Variants in ADORA2B observed in about 807,000 individuals in gnomAD.
ADORA2B encodes the protein adenosine A2b receptor.
Under a neutral mutation model 20.8 loss-of-function variants are expected in ADORA2B, and 18 were observed. That is an observed-to-expected ratio of 0.87 (90% CI 0.60 to 1.29). The LOEUF (loss-of-function observed/expected upper bound fraction) is 1.29. Ranked by LOEUF, ADORA2B falls within the 50% of genes most tolerant of loss-of-function variation. The pLI is 0.00. For missense variants in ADORA2B, 441 were observed against 422.7 expected (o/e 1.04, Z -0.38); for synonymous variants, 179 against 178.3 (o/e 1.00, Z -0.03).
the ADORA2B span, among the ~76,000 whole-genome samples, chr17:15,893,231 T>A: frequency 1.3e-5 from 2 of 152,260 alleles, no homozygotes; most frequent in Non-Finnish European, 2.9e-5. Context: ...ACCTTTTTTA[T>A]ATCTGAGACT....
chr17:15,895,047 A>C, the ADORA2B span, among the ~76,000 whole-genome samples: 1 of 152,040 alleles, frequency 6.6e-6, no homozygotes, highest in Non-Finnish European at 1.5e-5. Flanking sequence ...TTTGAGTGTG[A>C]AGGCCGTCTG....
At chr17:15,906,335 A>G in the ADORA2B span, among the ~76,000 whole-genome samples, 2 of 152,214 alleles carry the variant, frequency 1.3e-5, no homozygotes, top group Non-Finnish European at 2.9e-5. Flanking sequence ...GTTGAATTTT[A>G]TGTAATGCTT....
At chr17:15,851,569 G>C in the ADORA2B span, among the ~76,000 whole-genome samples, 1 of 152,144 alleles carries the variant, frequency 6.6e-6, no homozygotes, top group Admixed American at 6.5e-5. Flanking sequence ...TGCTTGCCAG[G>C]AGAAGCTGCA....
intron 1 of ADORA2B, among the ~76,000 whole-genome samples, chr17:15,959,214 T>C (rs1396813718): frequency 2.0e-5 from 3 of 152,200 alleles, no homozygotes; most frequent in African/African-American, 7.2e-5. Flanking sequence ...AATTTGGCAT[T>C]TTCAGAAGTC....
chr17:15,893,775 A>C, the ADORA2B span, among the ~76,000 whole-genome samples: 1 of 152,214 alleles, frequency 6.6e-6, no homozygotes, highest in African/African-American at 2.4e-5. Context: ...TGTTTAACCC[A>C]ACATAGCGCA....
the ADORA2B span, among the ~76,000 whole-genome samples, chr17:15,890,265 G>A: frequency 3.9e-5 from 5 of 128,180 alleles, 1 homozygote; most frequent in African/African-American, 1.3e-4. Flanking sequence ...ACATCTTTTC[G>A]TACATTTCAG....
rs760048829 is a variant in ADORA2B, at chr17:15,974,719, A to T, written c.376A>T (p.Ile126Phe). Residue 126 changes from isoleucine to phenylalanine, a missense_variant, in exon 2 of 2, where the codon ATT becomes TTT. By Grantham distance (21) the Ile-to-Phe change is conservative (BLOSUM62 0). Transcript: ENST00000304222. ...LVTGTRARGVIAVLWVLAFGI... is the reference protein window; with the variant it reads ...LVTGTRARGVFAVLWVLAFGI... ...CACGGGGACCCGAGCAAGAGGGGTC[A>T]TTGCTGTCCTCTGGGTCCTTGCCTT... The T allele has an allele frequency of 6.2e-7, 1 of 1,614,144 alleles. No homozygotes were observed. The highest frequency in any genetic ancestry group is 8.5e-7 in the Non-Finnish European group (1 of 1,180,024).
the ADORA2B span, among the ~76,000 whole-genome samples, chr17:15,912,524 G>A: frequency 1.3e-5 from 2 of 152,104 alleles, no homozygotes; most frequent in Non-Finnish European, 2.9e-5. Flanking sequence ...GCACAGGCTC[G>A]GATAAGGGAT....
the ADORA2B span, among the ~76,000 whole-genome samples, chr17:15,893,898 C>G: frequency 6.6e-6 from 1 of 152,188 alleles, no homozygotes; most frequent in South Asian, 2.1e-4. Context: ...GTCAGTTGGT[C>G]TCAGTCACAA....
At chr17:15,974,525 C>T (rs1317988498) in intron 1 of ADORA2B, 154 bp from the exon 2 acceptor site, 1 of 622,550 alleles carries the variant, frequency 1.6e-6, no homozygotes, top group Admixed American at 3.0e-5. Context: ...TCCCTGCTTG[C>T]ATGTCTTTAG....
chr17:15,920,167 T>A, the ADORA2B span, among the ~76,000 whole-genome samples: 1 of 152,188 alleles, frequency 6.6e-6, no homozygotes, highest in East Asian at 1.9e-4. Flanking sequence ...CTAAATAATA[T>A]GTACACATGG....
At chr17:15,869,703 A>G in the ADORA2B span, among the ~76,000 whole-genome samples, 1 of 152,170 alleles carries the variant, frequency 6.6e-6, no homozygotes, top group Non-Finnish European at 1.5e-5. Context: ...ATCCCACTTC[A>G]CAGCCCTGTG....
chr17:15,935,785 A>AT, the ADORA2B span, among the ~76,000 whole-genome samples: 1 of 150,764 alleles, frequency 6.6e-6, no homozygotes, highest in Non-Finnish European at 1.5e-5. Flanking sequence ...TGACCAGTGC[A>AT]TTCAAGTTCA....
the ADORA2B span, among the ~76,000 whole-genome samples, chr17:15,884,027 A>T: frequency 1.3e-5 from 2 of 152,234 alleles, no homozygotes; most frequent in Non-Finnish European, 2.9e-5. Context: ...AAACCAAAGC[A>T]TCAAGAGGCT....
At chr17:15,906,604 T>A in the ADORA2B span, among the ~76,000 whole-genome samples, 4 of 152,240 alleles carry the variant, frequency 2.6e-5, no homozygotes, top group Non-Finnish European at 5.9e-5. Flanking sequence ...AGGGTAATGC[T>A]GGCATCATAG....
chr17:15,958,853 A>G (rs1277390817), intron 1 of ADORA2B, among the ~76,000 whole-genome samples: 1 of 152,076 alleles, frequency 6.6e-6, no homozygotes, highest in East Asian at 1.9e-4. Flanking sequence ...AATTTGTTTA[A>G]GGTTTGCCAT....
At chr17:15,927,212 G>A in the ADORA2B span, among the ~76,000 whole-genome samples, 9 of 152,132 alleles carry the variant, frequency 5.9e-5, no homozygotes, top group Non-Finnish European at 1.3e-4. Context: ...GGCTGGGTGC[G>A]GTGGCTCACG....
chr17:15,890,455 CTTTCT>C, the ADORA2B span, among the ~76,000 whole-genome samples: 2 of 75,916 alleles, frequency 2.6e-5, 1 homozygote, highest in African/African-American at 1.1e-4. Flanking sequence ...TTTCTCATTC[CTTTCT>C]TTTATTTATT....
chr17:15,969,179 G>C (rs1970156962), intron 1 of ADORA2B, among the ~76,000 whole-genome samples: 1 of 152,146 alleles, frequency 6.6e-6, no homozygotes, highest in Non-Finnish European at 1.5e-5. Flanking sequence ...GGCCGGGCGT[G>C]GAGGCTCACG....
Sources: allele counts gnomAD v4.1 joint callset (sites outside exome capture counted in the v4.1 genomes callset), GRCh38; gene constraint gnomAD v4.1.1; transcripts MANE v1.5; gene names NCBI Gene and HGNC (gene_info 2026-07-23, HGNC 2026-07-21).